RP1: variants seen among roughly 807,000 people sequenced by gnomAD.
RP1 encodes oxygen-regulated protein 1.
In RP1, 16 loss-of-function variants were observed where a neutral mutation model predicts 14.8. The ratio of observed to expected loss-of-function variants is 1.08; its 90% confidence interval spans 0.73 to 1.65. The LOEUF (loss-of-function observed/expected upper bound fraction) is 1.65, where lower values mean the gene tolerates loss of function less well. RP1 is among the 40% of genes most tolerant of loss of function. RP1 has a pLI of 0.00. For synonymous variants in RP1, 876 were observed against 883.6 expected (o/e 0.99, Z 0.15); for missense variants, 2,631 against 2,535.0 (o/e 1.04, Z -0.81).
At chr8:54,651,451 T>C (rs949406084) in intron 4 of RP1, among the ~76,000 whole-genome samples, 11 of 152,130 alleles carry the variant, frequency 7.2e-5, no homozygotes, top group African/African-American at 2.4e-4. Flanking sequence ...TTACCCTTTA[T>C]AGGTCTATTC....
chr8:54,705,178 C>G (rs1013209306), intron 14 of RP1, among the ~76,000 whole-genome samples: 1 of 152,018 alleles, frequency 6.6e-6, no homozygotes, highest in Admixed American at 6.6e-5. Flanking sequence ...AGACCACTAT[C>G]AAGGCTTGAT....
At position 54,630,613 on chromosome 8, in the gene RP1, TTG is replaced by T; in HGVS notation, c.*261_*262del. 1 of 1,231,184 alleles carries T rather than the reference TTG, an allele frequency of 8.1e-7. No homozygotes were observed. The highest frequency in any genetic ancestry group is 1.0e-6 in the Non-Finnish European group (1 of 982,026). The allele number at this position is 1,231,184 out of a possible 1,614,324, so 76.3% of individuals were successfully genotyped here. On this transcript the variant is annotated 3_prime_UTR_variant, in exon 4 of 4. Coordinates refer to ENST00000220676, the MANE Select transcript of RP1 (RefSeq NM_006269.2). ...TTCTGAACTTACATTTTTTTTTTTT[TTG>T]GTATCTATGATTTTTTTTGCTCAGG...
intron 12 of RP1, among the ~76,000 whole-genome samples, chr8:54,697,817 C>T (rs1807908883): frequency 6.6e-6 from 1 of 152,098 alleles, no homozygotes; most frequent in Non-Finnish European, 1.5e-5. Flanking sequence ...ATAAATGGTG[C>T]TGGGAAAACT....
In RP1 at chr8:54,621,500, G is replaced by T. The variant is rs772604113; in HGVS notation, c.534G>T (p.Gln178His). The change falls in exon 2 of 4, where the codon CAG becomes CAT. Residue 178 changes from glutamine to histidine, a missense_variant. Transcript: ENST00000220676. Reference sequence around the variant, plus strand: ...TTCTTCTGAGCAGGAGGGTCACCCAGAGCTTCGAGGCATTTCTACAGCACC... The same window carrying T: ...TTCTTCTGAGCAGGAGGGTCACCCATAGCTTCGAGGCATTTCTACAGCACC... ...RAVLLSRRVT[Q>H]SFEAFLQHLT... 1 of 1,614,168 alleles carries T rather than the reference G, an allele frequency of 6.2e-7. No individual in the cohort carries two copies. Among genetic ancestry groups the T allele is most frequent in the East Asian group, 2.2e-5 (1 of 44,866 alleles).
At chr8:54,812,576 G>A (rs778985130) in intron 24 of RP1, among the ~76,000 whole-genome samples, 6 of 152,158 alleles carry the variant, frequency 3.9e-5, no homozygotes, top group Admixed American at 6.5e-5. Flanking sequence ...AGAAAGATCC[G>A]TAAAGTTATT....
At chr8:54,620,870 C>T (rs1225068060) in intron 1 of RP1, 85 bp from the exon 2 acceptor site, 7 of 1,234,752 alleles carry the variant, frequency 5.7e-6, no homozygotes, top group African/African-American at 3.0e-5. Context: ...TCCTGGATGT[C>T]TGCAGCTATA....
At chr8:54,835,769 T>G (rs895217693) in intron 24 of RP1, among the ~76,000 whole-genome samples, 1 of 152,170 alleles carries the variant, frequency 6.6e-6, no homozygotes, top group African/African-American at 2.4e-5. Flanking sequence ...GTCTGTCTGA[T>G]ATCAAAACCT....
intron 24 of RP1, among the ~76,000 whole-genome samples, chr8:54,813,207 C>T (rs887814241): frequency 6.6e-6 from 1 of 152,212 alleles, no homozygotes; most frequent in African/African-American, 2.4e-5. Flanking sequence ...ACATGGTTCC[C>T]ATGGAATACT....
At chr8:54,581,459 T>C (rs1804790902) in intron 1 of RP1, among the ~76,000 whole-genome samples, 1 of 152,244 alleles carries the variant, frequency 6.6e-6, no homozygotes, top group Non-Finnish European at 1.5e-5. Flanking sequence ...AGTGCCGCAA[T>C]AAACATACGT....
chr8:54,725,136 G>A (rs1808624342), intron 16 of RP1, among the ~76,000 whole-genome samples: 1 of 152,124 alleles, frequency 6.6e-6, no homozygotes, highest in African/African-American at 2.4e-5. Flanking sequence ...ATGCTATACA[G>A]TGACTGGAAG....
chr8:54,870,189 C>G lies in RP1; in HGVS notation c.*247C>G, dbSNP rs1284097401. 1.2e-5 allele frequency: 4 copies of G among 336,156 alleles called. No individual in the cohort carries two copies. In the East Asian group the frequency reaches 1.3e-4, roughly 11 times the overall value. 20.8% of individuals were successfully genotyped at this position (336,156 alleles called of 1,614,324 possible). A position where few individuals can be genotyped will look rare whatever the true frequency, so the allele number is the denominator to read the frequency against. On this transcript the variant is annotated 3_prime_UTR_variant, in exon 29 of 29. Transcript: ENST00000637698. The stretch of plus-strand genomic sequence containing the variant: ...TACTGCTGCTGCTCACCTCCTCCCC[C>G]TCCTCTTCCTTCACCTTTTCTTTCC...
chr8:54,860,314 G>C (rs1408663032), intron 27 of RP1, among the ~76,000 whole-genome samples: 1 of 152,010 alleles, frequency 6.6e-6, no homozygotes, highest in Non-Finnish European at 1.5e-5. Context: ...AGGTACGGGA[G>C]GGACAATAGT....
At chr8:54,563,103 A>G (rs779337909) in intron 1 of RP1, among the ~76,000 whole-genome samples, 26 of 152,050 alleles carry the variant, frequency 1.7e-4, no homozygotes, top group Non-Finnish European at 3.2e-4. Context: ...CTCTTCAGAG[A>G]GAGAGAGAGA....
At position 54,700,294 on chromosome 8, in the gene RP1, G is replaced by T. The variant is rs1585618535; in HGVS notation, c.1821+724G>T. On this transcript the variant is annotated intron_variant, in intron 13 of 22. Transcript: ENST00000636932. Reference sequence around the variant, plus strand: ...CATGATCAGAACTCACTGCAGCCTCGAATTCCTGGGCTCAAGCATTCTTCC... The same window carrying T: ...CATGATCAGAACTCACTGCAGCCTCTAATTCCTGGGCTCAAGCATTCTTCC... Among the ~76,000 whole-genome samples, 5 of 151,410 alleles carry T rather than the reference G, an allele frequency of 3.3e-5. No individual in the cohort carries two copies. In the South Asian group the frequency reaches 1.0e-3, roughly 31 times the overall value.
At chr8:54,803,949 T>C (rs937746556) in intron 24 of RP1, among the ~76,000 whole-genome samples, 3 of 151,886 alleles carry the variant, frequency 2.0e-5, no homozygotes, top group Non-Finnish European at 2.9e-5. Context: ...ACACCTGTAA[T>C]CCCAGCTACT....
chr8:54,798,642 T>C (rs1018685154), intron 24 of RP1, among the ~76,000 whole-genome samples: 10 of 152,186 alleles, frequency 6.6e-5, no homozygotes, highest in African/African-American at 1.9e-4. Flanking sequence ...ATGATTTATT[T>C]TGAGGGCATT....
intron 22 of RP1, among the ~76,000 whole-genome samples, chr8:54,766,550 A>T (rs1166451627): frequency 6.6e-6 from 1 of 152,076 alleles, no homozygotes; most frequent in Non-Finnish European, 1.5e-5. Flanking sequence ...TTTTTTGGGG[A>T]TGGGGGTGGA....
downstream of RP1, among the ~76,000 whole-genome samples, chr8:54,773,623 C>G (rs1392300835): frequency 6.6e-6 from 1 of 152,070 alleles, no homozygotes; most frequent in African/African-American, 2.4e-5. Context: ...GGCAACAGAT[C>G]AAGACCCTGT....
chr8:54,759,894 C>T (rs1809597429), intron 22 of RP1, among the ~76,000 whole-genome samples: 1 of 152,144 alleles, frequency 6.6e-6, no homozygotes, highest in African/African-American at 2.4e-5. Flanking sequence ...AAATTTGAAT[C>T]TTCAATATCG....
Sources: allele counts gnomAD v4.1 joint callset (sites outside exome capture counted in the v4.1 genomes callset), GRCh38; gene constraint gnomAD v4.1.1; transcripts MANE v1.5; gene names NCBI Gene and HGNC (gene_info 2026-07-23, HGNC 2026-07-21).